Variants in FBH1 observed in about 807,000 individuals in gnomAD.
The protein encoded by FBH1 is DNA 3'-5' helicase 1.
FBH1 carries 43 observed loss-of-function variants against 115.5 expected under a neutral mutation model. That is an observed-to-expected ratio of 0.37 (90% CI 0.29 to 0.48). The LOEUF (loss-of-function observed/expected upper bound fraction) is 0.48. Among genes scored for constraint, FBH1 ranks in the 20% least tolerant of loss-of-function variants. The probability of loss-of-function intolerance (pLI) is 0.99; values close to 1 mark genes in which losing one functional copy is unlikely to be tolerated. For missense variants in FBH1, 1,001 were observed against 1,337.3 expected, an observed-to-expected ratio of 0.75 and a Z score of 3.92; for synonymous variants, 524 against 507.8, an observed-to-expected ratio of 1.03 and a Z score of -0.43.
intron 13 of FBH1, among the ~76,000 whole-genome samples, chr10:5,919,419 G>C (rs1738916133): frequency 6.6e-6 from 1 of 152,202 alleles, no homozygotes; most frequent in Admixed American, 6.5e-5. Context: ...CCAGGAGGCA[G>C]AGGTTGCAGT....
chr10:5,902,625 C>T (rs1843418770), intron 1 of FBH1, among the ~76,000 whole-genome samples: 1 of 152,072 alleles, frequency 6.6e-6, no homozygotes, highest in Non-Finnish European at 1.5e-5. Context: ...CACCACCACG[C>T]CCAGCTAATT....
rs1831558373 is a variant in FBH1 at position 5,911,072 on chromosome 10, C to T, written c.1155C>T (p.Tyr385=). 1 of 1,613,670 alleles carries T rather than the reference C, an allele frequency of 6.2e-7. No homozygotes were observed. Among genetic ancestry groups the T allele is most frequent in the South Asian group, 1.1e-5 (1 of 91,078 alleles). ...TGCCAGATGTCACCGAGACCCTGTA[C>T]TGCATAGCCGTGCTTCTCTACGCCA... ...VTMPDVTETL[Y]CIAVLLYAMR... is the part of the protein sequence containing the mutation. The change falls in exon 6 of 21, where the codon TAC becomes TAT. Residue 385 remains tyrosine (Y), a synonymous_variant. Coordinates refer to ENST00000362091, the MANE Select transcript of FBH1 (RefSeq NM_178150.3). This position sits in a 1 kb window ranked among gnomAD's most constrained non-coding sequence, Gnocchi z 5.4.
intron 18 of FBH1, among the ~76,000 whole-genome samples, chr10:5,926,905 A>T (rs1414728958): frequency 6.6e-6 from 1 of 152,240 alleles, no homozygotes; most frequent in African/African-American, 2.4e-5. Flanking sequence ...CAGCACAGAC[A>T]CACAGCACAT....
intron 1 of FBH1, 150 bp from the exon 2 acceptor site, chr10:5,902,870 T>TG (rs1267651024): frequency 1.8e-6 from 1 of 540,904 alleles, no homozygotes. Flanking sequence ...AGGACAAAGT[T>TG]GGGGGGCAAG....
chr10:5,895,020 G>A lies in FBH1; in HGVS notation c.1+4674G>A. 6.3e-7 allele frequency: 1 copy of A among 1,598,054 alleles called. No homozygotes were observed. The highest frequency in any genetic ancestry group is 8.6e-7 in the Non-Finnish European group (1 of 1,169,266). On this transcript the variant is annotated intron_variant, in intron 1 of 20. Coordinates refer to ENST00000362091, the MANE Select transcript of FBH1 (RefSeq NM_178150.3). The surrounding 1 kb of genome is among the most constrained non-coding windows in gnomAD (Gnocchi z 5.0). ...GGTGCTGGAGTTGAGAGATAACACA[G>A]TTAACTGTTGAAATTGGGCCATTCC... is the stretch of plus-strand genomic sequence containing the variant.
At position 5,933,203 on chromosome 10, in the gene FBH1, C is replaced by T. The variant is rs1833066065; in HGVS notation, c.2830-3253C>T. On this transcript the variant is annotated intron_variant, in intron 19 of 20. Coordinates refer to ENST00000362091, the MANE Select transcript of FBH1 (RefSeq NM_178150.3). The surrounding 1 kb of genome is among the most constrained non-coding windows in gnomAD (Gnocchi z 4.9). ...AGGAGTTCAAGACCAGCCTGGCTAA[C>T]ATGGTGAAACCCTGTCTCTACTAAA... 6.6e-6 allele frequency among the ~76,000 whole-genome samples: 1 copy of T among 152,154 alleles called. No homozygotes were observed. Among genetic ancestry groups the T allele is most frequent in the African/African-American group, 2.4e-5 (1 of 41,450 alleles).
At position 5,916,444 on chromosome 10, in the gene FBH1, G is replaced by C; in HGVS notation, c.1776G>C (p.Gln592His). Residue 592 changes from glutamine (Q) to histidine (H), a missense_variant, in exon 10 of 21, where the codon CAG becomes CAC. Transcript: ENST00000362091. Reference protein sequence around the residue: ...NSQGQRVMVEQSEKLNGVLEA... With the variant: ...NSQGQRVMVEHSEKLNGVLEA... Reference sequence around the variant, plus strand: ...AAGGACAGAGAGTCATGGTTGAGCAGAGTGAAAAACTGGTGAGTGTCTAAG... The same window carrying C: ...AAGGACAGAGAGTCATGGTTGAGCACAGTGAAAAACTGGTGAGTGTCTAAG... The C allele has an allele frequency of 6.2e-7, 1 of 1,613,610 alleles. No individual in the cohort carries two copies. Among genetic ancestry groups the C allele is most frequent in the Non-Finnish European group, 8.5e-7 (1 of 1,179,846 alleles).
At position 5,925,178 on chromosome 10, in the gene FBH1, T is replaced by G; in HGVS notation, c.2597-189T>G. 1 of 683,490 alleles carries G rather than the reference T, an allele frequency of 1.5e-6. No homozygotes were observed. 42.3% of individuals were successfully genotyped at this position (683,490 alleles called of 1,614,324 possible). ...TAATTTTCGACTTTTCCCCTCGTCT[T>G]TTTCTTTTTTCTGTTCCCGACAGTT... On this transcript the variant is annotated intron_variant, in intron 17 of 20. Transcript: ENST00000362091. The surrounding 1 kb of genome is among the most constrained non-coding windows in gnomAD (Gnocchi z 4.6).
At chr10:5,912,695 G>A (rs920812950) in intron 6 of FBH1, among the ~76,000 whole-genome samples, 16 of 152,194 alleles carry the variant, frequency 1.1e-4, no homozygotes, top group Non-Finnish European at 2.2e-4. Flanking sequence ...TCCCCACAGG[G>A]TGGAGAGAAC....
chr10:5,933,586 G>A lies in FBH1; in HGVS notation c.2830-2870G>A, dbSNP rs781677907. ...GAAGTCCCAGAAAAACTGCCTATTT[G>A]TGGGAACAGATTTTTTAAGGCTGTA... On this transcript the variant is annotated intron_variant, in intron 19 of 20. Coordinates refer to ENST00000362091, the MANE Select transcript of FBH1 (RefSeq NM_178150.3). This position sits in a 1 kb window ranked among gnomAD's most constrained non-coding sequence, Gnocchi z 4.9. 6.6e-6 allele frequency among the ~76,000 whole-genome samples: 1 copy of A among 151,994 alleles called. No homozygotes were observed. The highest frequency in any genetic ancestry group is 1.5e-5 in the Non-Finnish European group (1 of 68,018).
intron 2 of FBH1, among the ~76,000 whole-genome samples, chr10:5,903,881 A>G (rs1843528099): frequency 6.6e-6 from 1 of 152,194 alleles, no homozygotes; most frequent in Non-Finnish European, 1.5e-5. Flanking sequence ...TTTGTCACCT[A>G]GGACCTGGAC....
Position 5,910,927 on chromosome 10 carries a change from C to A in FBH1, c.1021-11C>A. 6.2e-7 allele frequency: 1 copy of A among 1,604,298 alleles called. No homozygotes were observed. On this transcript the variant is annotated splice_polypyrimidine_tract_variant and intron_variant, in intron 5 of 20. Transcript: ENST00000362091. This position sits in a 1 kb window ranked among gnomAD's most constrained non-coding sequence, Gnocchi z 4.8. ...GGGCTGTCCCTCCCTCCCTGTGCACCTGGCTTGCAGGGTGTCAACATCTGG... is the reference window on the plus strand; with the variant it reads ...GGGCTGTCCCTCCCTCCCTGTGCACATGGCTTGCAGGGTGTCAACATCTGG...
rs1226861509 is a variant in FBH1 at position 5,915,937 on chromosome 10, T to A, written c.1566-297T>A. 1 of 475,944 alleles carries A rather than the reference T, an allele frequency of 2.1e-6. No homozygotes were observed. Among genetic ancestry groups the A allele is most frequent in the Admixed American group, 3.7e-5 (1 of 26,882 alleles). The allele number at this position is 475,944 out of a possible 1,614,324, so 29.5% of individuals were successfully genotyped here. A position where few individuals can be genotyped will look rare whatever the true frequency, so the allele number is the denominator to read the frequency against. The stretch of plus-strand genomic sequence containing the variant: ...ACACTTGACCCAGGTCTCCTGGATG[T>A]AGAGGCATCAGGGAACTCCAAGGGT... On this transcript the variant is annotated intron_variant, in intron 9 of 20. Coordinates refer to ENST00000362091, the MANE Select transcript of FBH1 (RefSeq NM_178150.3). The surrounding 1 kb of genome is among the most constrained non-coding windows in gnomAD (Gnocchi z 5.2).
At chr10:5,927,695 TAAG>T (rs1199681329) in intron 19 of FBH1, among the ~76,000 whole-genome samples, 154 bp downstream of exon 19, 1 of 152,158 alleles carries the variant, frequency 6.6e-6, no homozygotes, top group Non-Finnish European at 1.5e-5. Context: ...ATGACCAGTA[TAAG>T]AAGTGTTCTA....
rs1283030199 is a variant in FBH1 at position 5,933,824 on chromosome 10, T to C, written c.2830-2632T>C. ...TACCTGGCTAATTTTTTTTGGTATT[T>C]TTTTTTTGTTAAAGACGAGGTTTCA... On this transcript the variant is annotated intron_variant, in intron 19 of 20. Transcript: ENST00000362091. This position sits in a 1 kb window ranked among gnomAD's most constrained non-coding sequence, Gnocchi z 4.9. Among the ~76,000 whole-genome samples the C allele has an allele frequency of 6.6e-6, 1 of 152,070 alleles. No individual in the cohort carries two copies. Among genetic ancestry groups the C allele is most frequent in the Non-Finnish European group, 1.5e-5 (1 of 68,000 alleles).
intron 19 of FBH1, 142 bp downstream of exon 19, chr10:5,927,683 C>A (rs78582814): frequency 3.3e-6 from 2 of 614,200 alleles, no homozygotes; most frequent in African/African-American, 1.9e-5. Flanking sequence ...GTGCAAAGGC[C>A]GATGACCAGT....
rs959647091 is a variant in FBH1 at position 5,917,762 on chromosome 10, T to C, written c.1963+86T>C. 7.0e-6 allele frequency: 7 copies of C among 995,520 alleles called. No homozygotes were observed. The African/African-American group carries it at 9.6e-5, about 14-fold the overall frequency. 61.7% of individuals were successfully genotyped at this position (995,520 alleles called of 1,614,324 possible). ...TAAGAGGACACCTGTGTGAACTAAG[T>C]TGATTATTATTATTTGTGATAAAGA... On this transcript the variant is annotated intron_variant, in intron 12 of 20. Coordinates refer to ENST00000362091, the MANE Select transcript of FBH1 (RefSeq NM_178150.3). This position sits in a 1 kb window ranked among gnomAD's most constrained non-coding sequence, Gnocchi z 5.6.
At position 5,931,812 on chromosome 10, in the gene FBH1, T is replaced by C. The variant is rs1832987128; in HGVS notation, c.2829+4271T>C. ...GCTTTGCTTCTTTTTGATTTAATGA[T>C]CTTTCTTGATGTGTAAGGCCTGTTA... On this transcript the variant is annotated intron_variant, in intron 19 of 20. Coordinates refer to ENST00000362091, the MANE Select transcript of FBH1 (RefSeq NM_178150.3). This position sits in a 1 kb window ranked among gnomAD's most constrained non-coding sequence, Gnocchi z 4.3. Among the ~76,000 whole-genome samples the C allele has an allele frequency of 6.6e-6, 1 of 152,230 alleles. No individual in the cohort carries two copies. The highest frequency in any genetic ancestry group is 1.5e-5 in the Non-Finnish European group (1 of 68,040).
At position 5,937,272 on chromosome 10, in the gene FBH1, G is replaced by A. The variant is rs770703881; in HGVS notation, c.3124G>A (p.Val1042Ile). The change falls in exon 21 of 21, where the codon GTC becomes ATC. Residue 1042 changes from valine (V) to isoleucine (I), a missense_variant. Transcript: ENST00000362091. ...CCGGCATGAGGCCCTGCTCTTCCTC[G>A]TCTTCTGAGGACAAGGCGCACGTTC... ...LPRHEALLFL[V>I]F 9 of 1,599,972 alleles carry A rather than the reference G, an allele frequency of 5.6e-6. No homozygotes were observed. Among genetic ancestry groups the A allele is most frequent in the South Asian group, 2.2e-5 (2 of 88,948 alleles).
Sources: gnomAD v4.1 joint callset for allele counts (sites outside exome capture counted in the v4.1 genomes callset) on GRCh38, gnomAD v4.1.1 for gene constraint, Gnocchi (gnomAD v3.1) non-coding constraint, MANE v1.5 for transcripts, NCBI Gene and HGNC (gene_info 2026-07-23, HGNC 2026-07-21) for gene names.